The following TRIM42 variants were observed in gnomAD, a reference collection of about 807,000 sequenced individuals.
The protein encoded by TRIM42 is tripartite motif-containing protein 42.
Under a neutral mutation model 64.9 loss-of-function variants are expected in TRIM42, and 59 were observed. The observed-to-expected ratio is 0.91, with a 90% confidence interval of 0.74 to 1.13. TRIM42 has a LOEUF of 1.13. TRIM42 is among the 50% of genes most tolerant of loss of function. TRIM42 has a pLI of 0.00. For missense variants in TRIM42, 878 were observed against 929.5 expected (o/e 0.94, Z 0.72); for synonymous variants, 354 against 346.3 (o/e 1.02, Z -0.25).
At chr3:140,679,944 A>AC (rs984750634) in intron 1 of TRIM42, among the ~76,000 whole-genome samples, 13 of 141,446 alleles carry the variant, frequency 9.2e-5, no homozygotes, top group African/African-American at 1.5e-4. Flanking sequence ...ATTAGAATCA[A>AC]CCCCCCCACC....
rs376461165 is a variant in TRIM42 at position 140,688,066 on chromosome 3, A to T, written c.1384A>T (p.Arg462Trp). 239 of 1,614,082 alleles carry T rather than the reference A, an allele frequency of 1.5e-4. No homozygotes were observed. The highest frequency in any genetic ancestry group is 2.0e-4 in the Non-Finnish European group (231 of 1,180,048). ...CGAGGACGGCATCCAGACCACCTACAGGCCTGACCCACAGCTCCGGCTGCA... is the reference window on the plus strand; with the variant it reads ...CGAGGACGGCATCCAGACCACCTACTGGCCTGACCCACAGCTCCGGCTGCA... ...QIEDGIQTTY[R>W]PDPQLRLHSI... is the part of the protein sequence containing the mutation. Residue 462 changes from arginine (R) to tryptophan (W), a missense_variant, in exon 3 of 5, where the codon AGG becomes TGG. Physicochemically the swap from Arg to Trp is moderately radical, Grantham distance 101. Transcript: ENST00000286349.
intron 2 of TRIM42, 68 bp downstream of exon 2, chr3:140,683,227 G>A (rs1309087426): frequency 1.3e-6 from 2 of 1,532,252 alleles, no homozygotes; most frequent in East Asian, 2.3e-5. Context: ...ATGGCGTGGG[G>A]TAATCTGTTA....
intron 4 of TRIM42, among the ~76,000 whole-genome samples, chr3:140,693,643 A>G (rs1454247610): frequency 6.6e-6 from 1 of 152,226 alleles, no homozygotes; most frequent in African/African-American, 2.4e-5. Flanking sequence ...AGTTCTATGC[A>G]GGTATTCCTG....
At chr3:140,690,801 C>T (rs955525758) in intron 3 of TRIM42, among the ~76,000 whole-genome samples, 167 bp from the exon 4 acceptor site, 2 of 151,920 alleles carry the variant, frequency 1.3e-5, no homozygotes, top group Non-Finnish European at 2.9e-5. Context: ...CCTCATCACA[C>T]AGTCTTCCAA....
chr3:140,690,086 A>G (rs1988666219), intron 3 of TRIM42, among the ~76,000 whole-genome samples: 1 of 152,222 alleles, frequency 6.6e-6, no homozygotes, highest in Non-Finnish European at 1.5e-5. Flanking sequence ...TTAAAATATC[A>G]TCGATTCATA....
Position 140,687,968 on chromosome 3 carries a change from A to G in TRIM42, c.1286A>G (p.Tyr429Cys). The G allele has an allele frequency of 1.2e-6, 2 of 1,614,118 alleles. No homozygotes were observed. The highest frequency in any genetic ancestry group is 1.1e-5 in the South Asian group (1 of 91,082). The change falls in exon 3 of 5, where the codon TAC becomes TGC. Residue 429 changes from tyrosine (Y) to cysteine (C), a missense_variant. Physicochemically the swap from Tyr to Cys is radical, Grantham distance 194. Transcript: ENST00000286349. ...AACGAGATGGATGGTCTGATCGCCT[A>G]CTCCAAGGAAGCCCTGAAGGAGACT... is the stretch of plus-strand genomic sequence containing the variant. Reference protein sequence around the residue: ...KVNEMDGLIAYSKEALKETGQ... With the variant: ...KVNEMDGLIACSKEALKETGQ...
intron 4 of TRIM42, among the ~76,000 whole-genome samples, chr3:140,691,659 C>G (rs1988719111): frequency 6.6e-6 from 1 of 152,072 alleles, no homozygotes; most frequent in Non-Finnish European, 1.5e-5. Flanking sequence ...AAAATATGTC[C>G]AGTGCAATAT....
rs765231461 is a variant in TRIM42 at position 140,678,597 on chromosome 3, C to T, written c.341+27C>T. On this transcript the variant is annotated intron_variant, in intron 1 of 4. Transcript: ENST00000286349. ...TAAGTGCCAGGCACCAGATGTGGGGCCGCATTGGGTCATGAAAACTAGGGA... is the reference window on the plus strand; with the variant it reads ...TAAGTGCCAGGCACCAGATGTGGGGTCGCATTGGGTCATGAAAACTAGGGA... The T allele has an allele frequency of 9.5e-6, 15 of 1,585,272 alleles. No homozygotes were observed. The South Asian group carries it at 1.7e-4, about 18-fold the overall frequency.
chr3:140,679,207 A>G (rs1358423668), intron 1 of TRIM42, among the ~76,000 whole-genome samples: 1 of 152,138 alleles, frequency 6.6e-6, no homozygotes, highest in Non-Finnish European at 1.5e-5. Context: ...GGCACTTTTG[A>G]CCCTGCGGAC....
At chr3:140,680,069 G>A (rs1988333871) in intron 1 of TRIM42, among the ~76,000 whole-genome samples, 1 of 152,112 alleles carries the variant, frequency 6.6e-6, no homozygotes, top group Admixed American at 6.5e-5. Context: ...CTGATTTTGG[G>A]AGACAGAGGG....
chr3:140,681,849 G>C (rs1199266893), intron 1 of TRIM42, among the ~76,000 whole-genome samples: 2 of 147,276 alleles, frequency 1.4e-5, no homozygotes, highest in Admixed American at 6.8e-5. Context: ...AGGAAGAACA[G>C]AGTGACCCAA....
rs1228348141 is a variant in TRIM42 at position 140,688,029 on chromosome 3, G to A, written c.1347G>A (p.Leu449=). 2 of 1,614,066 alleles carry A rather than the reference G, an allele frequency of 1.2e-6. No individual in the cohort carries two copies. The highest frequency in any genetic ancestry group is 2.2e-5 in the South Asian group (2 of 91,084). The change falls in exon 3 of 5, where the codon CTG becomes CTA. Residue 449 remains leucine (L), a synonymous_variant. Coordinates refer to ENST00000286349, the MANE Select transcript of TRIM42 (RefSeq NM_152616.5). ...QVAFLQSAKI[L]VDQIEDGIQT... ...CATTCCTGCAGTCAGCCAAGATCCT[G>A]GTGGACCAGATCGAGGACGGCATCC...
In TRIM42 at chr3:140,687,905, A is replaced by C; in HGVS notation, c.1223A>C (p.Glu408Ala). Reference protein sequence around the residue: ...IENLEVSRQKEIEKYVYVTTM... With the variant: ...IENLEVSRQKAIEKYVYVTTM... ...AATCTAGAAGTGTCCAGGCAGAAGGAAATTGAAAAATATGTGTATGTTACA... is the reference window on the plus strand; with the variant it reads ...AATCTAGAAGTGTCCAGGCAGAAGGCAATTGAAAAATATGTGTATGTTACA... Residue 408 changes from glutamate (E) to alanine (A), a missense_variant, in exon 3 of 5, where the codon GAA (glutamate) becomes GCA (alanine). Transcript: ENST00000286349. The C allele has an allele frequency of 6.2e-7, 1 of 1,614,190 alleles. No homozygotes were observed. Among genetic ancestry groups the C allele is most frequent in the Non-Finnish European group, 8.5e-7 (1 of 1,180,036 alleles).
intron 2 of TRIM42, among the ~76,000 whole-genome samples, chr3:140,685,336 T>C (rs9859517): frequency 6.6e-6 from 1 of 152,142 alleles, no homozygotes; most frequent in South Asian, 2.1e-4. Flanking sequence ...CTCAGCAAGA[T>C]GGAATTTTAA....
Position 140,700,874 on chromosome 3 carries a change from G to A in TRIM42, c.2086-14G>A, listed in dbSNP as rs751733894. 16 of 1,613,530 alleles carry A rather than the reference G, an allele frequency of 9.9e-6. No individual in the cohort carries two copies. The highest frequency in any genetic ancestry group is 1.3e-5 in the Non-Finnish European group (15 of 1,179,648). On this transcript the variant is annotated splice_polypyrimidine_tract_variant and intron_variant, in intron 4 of 4. Transcript: ENST00000286349. ...TGTCTATTGGGTGTCATGACTCTTCGCTTCTGATTGCAGGTGGTAACACCA... is the reference window on the plus strand; with the variant it reads ...TGTCTATTGGGTGTCATGACTCTTCACTTCTGATTGCAGGTGGTAACACCA...
At chr3:140,690,545 A>G (rs1312456087) in intron 3 of TRIM42, among the ~76,000 whole-genome samples, 11 of 12,476 alleles carry the variant, frequency 8.8e-4, no homozygotes, top group African/African-American at 1.9e-3. Context: ...ATATATATAT[A>G]TATATATATA....
intron 4 of TRIM42, among the ~76,000 whole-genome samples, chr3:140,696,838 A>G (rs1278165059): frequency 6.6e-6 from 1 of 152,196 alleles, no homozygotes; most frequent in East Asian, 1.9e-4. Context: ...CAAAGGCCCT[A>G]TCTCCAAATA....
chr3:140,700,545 T>C (rs1988973156), intron 4 of TRIM42, among the ~76,000 whole-genome samples: 1 of 152,164 alleles, frequency 6.6e-6, no homozygotes, highest in Non-Finnish European at 1.5e-5. Flanking sequence ...AGAACCAAGT[T>C]CTAATGGCTG....
In TRIM42 at chr3:140,687,826, A is replaced by C. The variant is rs750511161; in HGVS notation, c.1144A>C (p.Lys382Gln). 6.2e-7 allele frequency: 1 copy of C among 1,614,226 alleles called. No homozygotes were observed. Among genetic ancestry groups the C allele is most frequent in the Non-Finnish European group, 8.5e-7 (1 of 1,180,028 alleles). ...KRKEIRNGFL[K>Q]LRSILQEKEK... ...AAAAGAGATCAGAAATGGCTTTCTC[A>C]AGTTGCGCAGCATTCTTCAGGAGAA... The change falls in exon 3 of 5, where the codon AAG becomes CAG. Residue 382 changes from lysine to glutamine, a missense_variant. Transcript: ENST00000286349.
Sources: gnomAD v4.1 joint callset for allele counts (sites outside exome capture counted in the v4.1 genomes callset) on GRCh38, gnomAD v4.1.1 for gene constraint, MANE v1.5 for transcripts, NCBI Gene and HGNC (gene_info 2026-07-23, HGNC 2026-07-21) for gene names.